GHR: variants seen among roughly 807,000 people sequenced by gnomAD.
GHR encodes the protein GH receptor.
A neutral mutation model predicts 67.1 loss-of-function variants in GHR; 35 were observed. That is an observed-to-expected ratio of 0.52 (90% confidence interval 0.40 to 0.69). The LOEUF (loss-of-function observed/expected upper bound fraction) is 0.69, where lower values mean the gene tolerates loss of function less well. GHR is among the 30% of genes least tolerant of loss of function. The probability of loss-of-function intolerance (pLI) is 0.00; values close to 1 mark genes in which losing one functional copy is unlikely to be tolerated. For synonymous variants in GHR, 272 were observed against 269.1 expected (o/e 1.01, Z -0.10); for missense variants, 792 against 764.6 (o/e 1.04, Z -0.42).
chr5:42,584,537 T>G (rs1189779045), intron 2 of GHR, among the ~76,000 whole-genome samples: 1 of 152,204 alleles, frequency 6.6e-6, no homozygotes, highest in Non-Finnish European at 1.5e-5. Context: ...GTGTGTGTGT[T>G]TTGTGTATGT....
intron 3 of GHR, chr5:42,646,207 G>T (rs191340088): frequency 7.1e-6 from 2 of 282,706 alleles, no homozygotes; most frequent in East Asian, 9.5e-5. Flanking sequence ...CACTGAAAAT[G>T]AAGTGTCTGT....
intron 3 of GHR, chr5:42,646,389 T>G (rs1031984416): frequency 2.2e-6 from 1 of 453,094 alleles, no homozygotes; most frequent in Non-Finnish European, 4.4e-6. Context: ...GCTCACTGGG[T>G]GAGGTTTTGG....
At chr5:42,504,485 G>C (rs947063811) in intron 1 of GHR, among the ~76,000 whole-genome samples, 1 of 152,160 alleles carries the variant, frequency 6.6e-6, no homozygotes, top group Non-Finnish European at 1.5e-5. Context: ...TCTTGGCCAG[G>C]CACCGTGGCT....
intron 5 of GHR, among the ~76,000 whole-genome samples, chr5:42,696,876 T>C (rs1426360596): frequency 1.3e-5 from 2 of 152,214 alleles, no homozygotes; most frequent in African/African-American, 4.8e-5. Flanking sequence ...GTCAAACAGC[T>C]AGTAGATAGA....
chr5:42,698,466 A>G (rs1319836361), intron 5 of GHR, among the ~76,000 whole-genome samples: 1 of 152,232 alleles, frequency 6.6e-6, no homozygotes, highest in African/African-American at 2.4e-5. Context: ...TTGCCATTAT[A>G]TCGGCATATG....
At chr5:42,650,128 A>T (rs565324953) in intron 3 of GHR, among the ~76,000 whole-genome samples, 9 of 152,334 alleles carry the variant, frequency 5.9e-5, no homozygotes, top group Middle Eastern at 3.4e-3. Context: ...AAGAAAAAAA[A>T]TATGGCTGTG....
chr5:42,659,999 C>A (rs4612114), intron 3 of GHR, among the ~76,000 whole-genome samples: 99,294 of 151,772 alleles, frequency 0.65, 33,892 homozygotes, highest in East Asian at 0.82. Flanking sequence ...CGGAGTCTCG[C>A]TGATTGCTAG....
intron 8 of GHR, among the ~76,000 whole-genome samples, chr5:42,717,841 G>GT (rs1174849536): frequency 1.3e-5 from 2 of 150,654 alleles, no homozygotes; most frequent in East Asian, 3.9e-4. Flanking sequence ...GGCTTTTTGG[G>GT]TTTTTTAGTT....
chr5:42,526,881 A>G (rs1474202723), intron 1 of GHR, among the ~76,000 whole-genome samples: 6 of 152,058 alleles, frequency 3.9e-5, no homozygotes, highest in African/African-American at 1.4e-4. Flanking sequence ...CCAACAACAG[A>G]CCTCTCAGCT....
intron 1 of GHR, among the ~76,000 whole-genome samples, chr5:42,450,294 A>G (rs1339450468): frequency 6.6e-6 from 1 of 151,978 alleles, no homozygotes; most frequent in Non-Finnish European, 1.5e-5. Flanking sequence ...TTACTGTTTC[A>G]GTCTCACTAC....
At chr5:42,585,449 A>G (rs967888192) in intron 2 of GHR, among the ~76,000 whole-genome samples, 2 of 152,186 alleles carry the variant, frequency 1.3e-5, no homozygotes, top group African/African-American at 2.4e-5. Flanking sequence ...CTGACTAGAT[A>G]GCTAAAGGCT....
intron 3 of GHR, chr5:42,659,300 T>C (rs1257685933): frequency 6.6e-6 from 1 of 152,204 alleles, no homozygotes; most frequent in Non-Finnish European, 1.5e-5. Context: ...GACTGTGTTC[T>C]TTCTGCTGCT....
chr5:42,468,282 GCATGGGCCTAGGGC>G, intron 1 of GHR: 1 of 1,571,432 alleles, frequency 6.4e-7, no homozygotes, highest in African/African-American at 1.4e-5. Flanking sequence ...TCACTGGGCG[GCATGGGCCTAGGGC>G]CATGGCTTCT....
intron 1 of GHR, among the ~76,000 whole-genome samples, chr5:42,469,977 G>A (rs1744924613): frequency 1.3e-5 from 2 of 151,070 alleles, no homozygotes; most frequent in Admixed American, 1.3e-4. Context: ...TCCTAAATGG[G>A]GTAAGAGTGG....
chr5:42,643,256 CTAAA>C (rs995475691), intron 3 of GHR, among the ~76,000 whole-genome samples: 1 of 152,174 alleles, frequency 6.6e-6, no homozygotes, highest in African/African-American at 2.4e-5. Context: ...AAAGCTGAAG[CTAAA>C]TAGGCTTCTT....
intron 1 of GHR, among the ~76,000 whole-genome samples, chr5:42,541,515 A>T (rs1748516119): frequency 6.6e-6 from 1 of 152,112 alleles, no homozygotes; most frequent in Non-Finnish European, 1.5e-5. Context: ...GACCACTGTA[A>T]ATACTTGGTC....
intron 3 of GHR, among the ~76,000 whole-genome samples, chr5:42,663,311 A>T (rs893138634): frequency 6.6e-6 from 1 of 152,220 alleles, no homozygotes; most frequent in Non-Finnish European, 1.5e-5. Flanking sequence ...TTTTAGGCCA[A>T]TATCCTTGAT....
intron 1 of GHR, among the ~76,000 whole-genome samples, chr5:42,441,608 C>A (rs1743576667): frequency 6.6e-6 from 1 of 151,856 alleles, no homozygotes; most frequent in Non-Finnish European, 1.5e-5. Context: ...CTCCTGGGTT[C>A]ACGCCATTCT....
At chr5:42,455,906 G>A (rs1744239561) in intron 1 of GHR, among the ~76,000 whole-genome samples, 1 of 152,190 alleles carries the variant, frequency 6.6e-6, no homozygotes, top group South Asian at 2.1e-4. Flanking sequence ...GCTGGCTATA[G>A]GTTGCTTTAA....
Sources: gnomAD v4.1 joint callset for allele counts (sites outside exome capture counted in the v4.1 genomes callset) on GRCh38, gnomAD v4.1.1 for gene constraint, MANE v1.5 for transcripts, NCBI Gene and HGNC (gene_info 2026-07-23, HGNC 2026-07-21) for gene names.